Variants in HSPD1 observed in about 807,000 individuals in gnomAD.
HSPD1 encodes the protein 60 kDa heat shock protein, mitochondrial.
A neutral mutation model predicts 53.0 loss-of-function variants in HSPD1; 3 were observed. The observed-to-expected ratio is 0.06, with a 90% CI of 0.03 to 0.15. HSPD1 has a LOEUF of 0.15. HSPD1 is among the 10% of genes least tolerant of loss of function. The probability of loss-of-function intolerance (pLI) is 1.00; values close to 1 mark genes in which losing one functional copy is unlikely to be tolerated. For missense variants in HSPD1, 431 were observed against 694.1 expected (o/e 0.62, Z 4.26); for synonymous variants, 200 against 228.0 (o/e 0.88, Z 1.10).
At chr2:197,498,632 T>C in intron 2 of HSPD1, 43 bp downstream of exon 2, 1 of 1,532,022 alleles carries the variant, frequency 6.5e-7, no homozygotes, top group Non-Finnish European at 9.0e-7. Flanking sequence ...AGTAAAATGC[T>C]ATTAATAATA....
intron 3 of HSPD1, 110 bp from the exon 4 acceptor site, chr2:197,495,486 A>T (rs1007665186): frequency 4.3e-5 from 35 of 814,832 alleles, no homozygotes; most frequent in Middle Eastern, 2.4e-4. Context: ...CTTAAAAAAA[A>T]AAATTTTTTT....
In HSPD1 at chr2:197,487,150, T is replaced by C. The variant is rs374037426; in HGVS notation, c.1618A>G (p.Thr540Ala). 6.2e-7 allele frequency: 1 copy of C among 1,610,872 alleles called. No homozygotes were observed. Among genetic ancestry groups the C allele is most frequent in the South Asian group, 1.1e-5 (1 of 91,008 alleles). Residue 540 changes from threonine to alanine, a missense_variant, in exon 12 of 12, where the codon ACT becomes GCT. Thr to Ala is a moderately conservative substitution (Grantham distance 58, BLOSUM62 0). Coordinates refer to ENST00000388968, the MANE Select transcript of HSPD1 (RefSeq NM_002156.5). ...LDAAGVASLLTTAEVVVTEIP... is the reference protein window; with the variant it reads ...LDAAGVASLLATAEVVVTEIP... ...TCTGTGACTACAACTTCTGCTGTAG[T>C]TAACAGAGAGGCCACACCAGCAGCA...
At chr2:197,494,779 A>C in intron 4 of HSPD1, 27 bp from the exon 5 acceptor site, 1 of 1,480,238 alleles carries the variant, frequency 6.8e-7, no homozygotes, top group Non-Finnish European at 9.5e-7. Flanking sequence ...ACTCTTCGAA[A>C]TTAAAAGGTA....
chr2:197,499,001 C>T (rs557012137), intron 1 of HSPD1, 151 bp from the exon 2 acceptor site: 3 of 761,106 alleles, frequency 3.9e-6, no homozygotes, highest in East Asian at 2.7e-5. Flanking sequence ...GAAGGCGCCG[C>T]AGCTTCGGAA....
chr2:197,500,148 T>C (rs3749094), upstream of HSPD1: 330 of 529,088 alleles, frequency 6.2e-4, 2 homozygotes, highest in East Asian at 0.01. Context: ...GACGAAGGGG[T>C]AGTTCTTTCA....
At chr2:197,489,283 TAC>T (rs745990880) in intron 8 of HSPD1, 36 bp from the exon 9 acceptor site, 25 of 1,611,962 alleles carry the variant, frequency 1.6e-5, no homozygotes, top group Non-Finnish European at 1.9e-5. Context: ...TGTTGTAGGT[TAC>T]AGTTTCTGCC....
chr2:197,494,176 G>A lies in HSPD1; in HGVS notation c.681C>T (p.Tyr227=). 1.4e-6 allele frequency: 2 copies of A among 1,414,012 alleles called. No homozygotes were observed. The highest frequency in any genetic ancestry group is 1.2e-5 in the South Asian group (1 of 86,762). The allele number at this position is 1,414,012 out of a possible 1,614,324, so 87.6% of individuals were successfully genotyped here. The change falls in exon 6 of 12, where the codon TAC becomes TAT. Residue 227 remains tyrosine (Y), a synonymous_variant. Coordinates refer to ENST00000388968, the MANE Select transcript of HSPD1 (RefSeq NM_002156.5). ...TCTTACCTTTTGATGTATTAATAAA[G>A]TATGGAGAAATATAGCCTCGATCAA... is the stretch of plus-strand genomic sequence containing the variant. ...MKFDRGYISP[Y]FINTSKGQKC...
At chr2:197,490,425 T>G (rs148058587) in intron 7 of HSPD1, 129 bp from the exon 8 acceptor site, 2 of 698,620 alleles carry the variant, frequency 2.9e-6, no homozygotes, top group Non-Finnish European at 5.0e-6. Flanking sequence ...GTTTTTTTGT[T>G]TTTTTTTTGC....
At chr2:197,500,096 T>A (rs1202653554), upstream of HSPD1, 1 of 360,618 alleles carries the variant, frequency 2.8e-6, no homozygotes, top group East Asian at 5.1e-5. Flanking sequence ...AATGCCGCGC[T>A]CCCTACGGCT....
rs2086072385 is a variant in HSPD1 at position 197,490,088 on chromosome 2, C to T, written c.969+109G>A. On this transcript the variant is annotated intron_variant, in intron 8 of 11. Transcript: ENST00000388968. ...AATCCAACCCCTACCTTCCAAAGAG[C>T]CAAAAGAAACAGATAGTTGTAGTAT... The T allele has an allele frequency of 9.1e-6, 8 of 877,636 alleles. No homozygotes were observed. In the South Asian group the frequency reaches 9.6e-5, roughly 11 times the overall value. The allele number at this position is 877,636 out of a possible 1,614,324, so 54.4% of individuals were successfully genotyped here. A position where few individuals can be genotyped will look rare whatever the true frequency, so the allele number is the denominator to read the frequency against.
chr2:197,489,108 C>T lies in HSPD1; in HGVS notation c.1109G>A (p.Arg370His), dbSNP rs564748273. Residue 370 changes from arginine to histidine, a missense_variant, in exon 9 of 12, where the codon CGT (arginine) becomes CAT (histidine). Arg to His is a conservative substitution (Grantham distance 29). Coordinates refer to ENST00000388968, the MANE Select transcript of HSPD1 (RefSeq NM_002156.5). ...TAACTGCTCAATGATTTCTTGAATACGTTTTTCAATTTGAGCCTTGTCACC... is the reference window on the plus strand; with the variant it reads ...TAACTGCTCAATGATTTCTTGAATATGTTTTTCAATTTGAGCCTTGTCACC... ...GKGDKAQIEK[R>H]IQEIIEQLDV... 3.6e-5 allele frequency: 58 copies of T among 1,613,996 alleles called. No homozygotes were observed. The highest frequency in any genetic ancestry group is 3.5e-4 in the African/African-American group (26 of 75,046).
At position 197,487,939 on chromosome 2, in the gene HSPD1, T is replaced by G. The variant is rs142434256; in HGVS notation, c.1488A>C (p.Gln496His). Residue 496 changes from glutamine (Q) to histidine (H), a missense_variant, in exon 11 of 12, where the codon CAA becomes CAC. By Grantham distance (24) the Gln-to-His change is conservative (BLOSUM62 0). Transcript: ENST00000388968. ...CATCATAACCAACTTCTGAGGAACT[T>G]TGCATAATTTTCTCAACTATCAAAG... ...EGSLIVEKIM[Q>H]SSSEVGYDAM... The G allele has an allele frequency of 1.9e-6, 3 of 1,613,706 alleles. No homozygotes were observed. The highest frequency in any genetic ancestry group is 2.2e-5 in the East Asian group (1 of 44,858).
chr2:197,499,189 G>A (rs947867870), intron 1 of HSPD1: 5 of 400,968 alleles, frequency 1.2e-5, no homozygotes, highest in African/African-American at 8.2e-5. Flanking sequence ...TGGCCCCTGA[G>A]AAACCAAGTC....
intron 7 of HSPD1, among the ~76,000 whole-genome samples, chr2:197,492,391 T>C (rs2086104775): frequency 6.6e-6 from 1 of 152,024 alleles, no homozygotes; most frequent in Non-Finnish European, 1.5e-5. Context: ...GGTTTCACTA[T>C]GTTGGCCAGG....
intron 3 of HSPD1, among the ~76,000 whole-genome samples, chr2:197,496,601 T>A (rs1383804995): frequency 1.3e-5 from 2 of 152,226 alleles, no homozygotes; most frequent in African/African-American, 4.8e-5. Flanking sequence ...TATACTGCCA[T>A]GAACCTCATG....
At chr2:197,495,405 G>A in intron 3 of HSPD1, 29 bp from the exon 4 acceptor site, 5 of 1,330,062 alleles carry the variant, frequency 3.8e-6, no homozygotes, top group Non-Finnish European at 5.4e-6. Context: ...TCATTACAAT[G>A]TTTATTTCTC....
rs751281922 is a variant in HSPD1 at position 197,489,176 on chromosome 2, C to T, written c.1041G>A (p.Glu347=). The part of the protein sequence containing the change: ...VQPHDLGKVG[E]VIVTKDDAML... ...TGGCATCGTCTTTGGTCACAATGAC[C>T]TCTCCAACTTTTCCTAAGTCATGAG... The change falls in exon 9 of 12, where the codon GAG becomes GAA. Residue 347 remains glutamate, a synonymous_variant. Coordinates refer to ENST00000388968, the MANE Select transcript of HSPD1 (RefSeq NM_002156.5). 1.2e-6 allele frequency: 2 copies of T among 1,613,954 alleles called. No homozygotes were observed. The highest frequency in any genetic ancestry group is 2.7e-5 in the African/African-American group (2 of 74,912).
chr2:197,495,669 A>G (rs970307347), intron 3 of HSPD1, among the ~76,000 whole-genome samples: 4 of 152,026 alleles, frequency 2.6e-5, no homozygotes, highest in African/African-American at 4.8e-5. Context: ...ATGTTGCCCA[A>G]GGTGGTCTTG....
intron 2 of HSPD1, 74 bp downstream of exon 2, chr2:197,498,601 A>G: frequency 7.8e-7 from 1 of 1,280,446 alleles, no homozygotes. Context: ...ACTGTTGAAT[A>G]GTTCAGTGCG....
Sources: gnomAD v4.1 joint callset for allele counts (sites outside exome capture counted in the v4.1 genomes callset) on GRCh38, gnomAD v4.1.1 for gene constraint, MANE v1.5 for transcripts, NCBI Gene and HGNC (gene_info 2026-07-23, HGNC 2026-07-21) for gene names.